Variants in MMRN1 observed in about 807,000 individuals in gnomAD.
The protein encoded by MMRN1 is multimerin-1.
Under a neutral mutation model 100.7 loss-of-function variants are expected in MMRN1, and 94 were observed. That is an observed-to-expected ratio of 0.93 (90% CI 0.79 to 1.11). MMRN1 has a LOEUF of 1.11. Among genes scored for constraint, MMRN1 ranks in the 50% least tolerant of loss-of-function variants. MMRN1 has a pLI of 0.00. For missense variants in MMRN1, 1,606 were observed against 1,439.1 expected (o/e 1.12, Z -1.88); for synonymous variants, 575 against 505.0 (o/e 1.14, Z -1.86).
intron 1 of MMRN1, among the ~76,000 whole-genome samples, chr4:89,885,322 C>T (rs570742023): frequency 6.6e-6 from 1 of 152,096 alleles, no homozygotes; most frequent in South Asian, 2.1e-4. Flanking sequence ...TTACACAATG[C>T]TATCATTTTG....
intron 5 of MMRN1, among the ~76,000 whole-genome samples, chr4:89,934,472 C>G (rs1722537954): frequency 1.3e-5 from 2 of 152,044 alleles, no homozygotes; most frequent in South Asian, 4.1e-4. Flanking sequence ...TATTTTCACA[C>G]AAAACGAAAA....
chr4:89,931,966 C>T (rs1414351342), intron 5 of MMRN1, among the ~76,000 whole-genome samples: 1 of 152,120 alleles, frequency 6.6e-6, no homozygotes, highest in African/African-American at 2.4e-5. Context: ...CCAAAGTCTT[C>T]ATTCATTTCA....
intron 1 of MMRN1, among the ~76,000 whole-genome samples, chr4:89,905,848 C>T (rs986478320): frequency 6.6e-6 from 1 of 151,440 alleles, no homozygotes; most frequent in Non-Finnish European, 1.5e-5. Context: ...ATCCTCAGGA[C>T]TTGGTATTTT....
chr4:89,915,822 T>C (rs1721894223), intron 3 of MMRN1, among the ~76,000 whole-genome samples: 1 of 151,660 alleles, frequency 6.6e-6, no homozygotes, highest in Admixed American at 6.6e-5. Flanking sequence ...TTTAGTTGAC[T>C]GAAATAAATG....
chr4:89,912,139 G>C (rs773742767), intron 3 of MMRN1, 89 bp downstream of exon 3: 36 of 928,804 alleles, frequency 3.9e-5, no homozygotes, highest in Non-Finnish European at 5.4e-5. Flanking sequence ...TTTGAACCAA[G>C]GTAAATTAAC....
chr4:89,882,247 T>C lies in MMRN1; in HGVS notation c.-249+2645T>C, dbSNP rs542716179. On this transcript the variant is annotated intron_variant, in intron 1 of 8. Coordinates refer to the MMRN1 transcript ENST00000394980. ...TTTTTATTGTTGTTGTCTCTATAAA[T>C]CCATGTTCCTAATATTGAAACATTT... 2.2e-3 allele frequency among the ~76,000 whole-genome samples: 333 copies of C among 151,586 alleles called. 4 individuals are homozygous for C. The highest frequency in any genetic ancestry group is 3.2e-3 in the Non-Finnish European group (219 of 67,754).
rs377072096 is a variant in MMRN1 at position 89,941,821 on chromosome 4, C to T, written c.3118+5023C>T. Among the ~76,000 whole-genome samples the T allele has an allele frequency of 9.1e-4, 138 of 152,284 alleles. 3 individuals carry two copies. In the South Asian group the frequency reaches 0.027, roughly 30 times the overall value. On this transcript the variant is annotated intron_variant, in intron 6 of 7. Transcript: ENST00000264790. The stretch of plus-strand genomic sequence containing the variant: ...CAGAACTGGTTAGGAGGCCTGTCTG[C>T]TGGGGATGGCCTCCCCAATTTGTGT...
At chr4:89,902,377 A>G (rs1486896606) in intron 1 of MMRN1, among the ~76,000 whole-genome samples, 1 of 151,998 alleles carries the variant, frequency 6.6e-6, no homozygotes, top group African/African-American at 2.4e-5. Context: ...AAATTTATGG[A>G]AAAGGTTATA....
intron 1 of MMRN1, among the ~76,000 whole-genome samples, chr4:89,884,545 A>G (rs912795552): frequency 6.6e-6 from 1 of 152,112 alleles, no homozygotes; most frequent in African/African-American, 2.4e-5. Context: ...TATCATGTGA[A>G]CTTGCCTAAA....
chr4:89,935,428 T>A lies in MMRN1; in HGVS notation c.1748T>A (p.Met583Lys), dbSNP rs1404670040. Residue 583 changes from methionine to lysine, a missense_variant, in exon 6 of 8, where the codon ATG becomes AAG. Transcript: ENST00000264790. The part of the protein sequence containing the change: ...KINNLTVSLE[M>K]EKESLRGECE... ...AACAATCTCACCGTCTCTTTGGAGA[T>A]GGAGAAAGAGTCTCTCAGAGGTGAA... 2 of 1,613,362 alleles carry A rather than the reference T, an allele frequency of 1.2e-6. No individual in the cohort carries two copies. Among genetic ancestry groups the A allele is most frequent in the Non-Finnish European group, 1.7e-6 (2 of 1,179,762 alleles).
chr4:89,923,336 C>T, intron 4 of MMRN1, 64 bp downstream of exon 4: 1 of 1,399,122 alleles, frequency 7.1e-7, no homozygotes, highest in East Asian at 2.3e-5. Flanking sequence ...ATTACAACTT[C>T]CAAGCAAGAA....
rs1335031175 is a variant in MMRN1 at position 89,935,183 on chromosome 4, G to A, written c.1503G>A (p.Leu501=). Residue 501 remains leucine, a synonymous_variant, in exon 6 of 8, where the codon CTG becomes CTA. Transcript: ENST00000264790. ...AACAGGAACACTCAAGAAGCATTCT[G>A]TATTATGAATCCCTCAATAAAACTC... ...ALEQEHSRSI[L]YYESLNKTLS... 1.2e-6 allele frequency: 2 copies of A among 1,613,248 alleles called. No homozygotes were observed. The highest frequency in any genetic ancestry group is 1.1e-5 in the South Asian group (1 of 90,972).
chr4:89,902,387 A>G (rs1229428484), intron 1 of MMRN1, among the ~76,000 whole-genome samples: 2 of 151,998 alleles, frequency 1.3e-5, no homozygotes, highest in Admixed American at 1.3e-4. Flanking sequence ...AAAAGGTTAT[A>G]TTAAAGGTTG....
At chr4:89,889,556 C>A (rs1450463959) in intron 1 of MMRN1, among the ~76,000 whole-genome samples, 1 of 152,074 alleles carries the variant, frequency 6.6e-6, no homozygotes, top group African/African-American at 2.4e-5. Context: ...CCAGGGGACA[C>A]CTCATACTCT....
At chr4:89,909,504 G>A (rs1452047140) in intron 2 of MMRN1, 109 bp downstream of exon 2, 1 of 1,357,048 alleles carries the variant, frequency 7.4e-7, no homozygotes, top group African/African-American at 1.5e-5. Context: ...TAGGGTCAGG[G>A]GATGGTAGTC....
At chr4:89,899,543 TG>T (rs949667567) in intron 1 of MMRN1, among the ~76,000 whole-genome samples, 2 of 152,024 alleles carry the variant, frequency 1.3e-5, no homozygotes, top group Non-Finnish European at 2.9e-5. Context: ...TAGTGTATAA[TG>T]GGGGGAATGG....
chr4:89,951,700 A>G lies in MMRN1; in HGVS notation c.3214A>G (p.Thr1072Ala). 6.2e-7 allele frequency: 1 copy of G among 1,608,394 alleles called. No individual in the cohort carries two copies. Among genetic ancestry groups the G allele is most frequent in the Non-Finnish European group, 8.5e-7 (1 of 1,178,230 alleles). ...SFTCACRHPF[T>A]GDNCTIKLVE... ...TACCTGTGCCTGCAGACATCCTTTTACTGGTGACAACTGCACTATCAAGCT... is the reference window on the plus strand; with the variant it reads ...TACCTGTGCCTGCAGACATCCTTTTGCTGGTGACAACTGCACTATCAAGCT... The change falls in exon 7 of 8, where the codon ACT (threonine) becomes GCT (alanine). Residue 1072 changes from threonine (T) to alanine (A), a missense_variant. Thr to Ala is a moderately conservative substitution (Grantham distance 58). Transcript: ENST00000264790.
Position 89,918,135 on chromosome 4 carries a change from A to G in MMRN1, c.851-5033A>G, listed in dbSNP as rs1276468057. On this transcript the variant is annotated intron_variant, in intron 3 of 7. Transcript: ENST00000264790. ...TTTACTAATTTTTGTTTCAAATAGTATATATACATCTATATATTTCAATTA... is the reference window on the plus strand; with the variant it reads ...TTTACTAATTTTTGTTTCAAATAGTGTATATACATCTATATATTTCAATTA... 2.6e-5 allele frequency among the ~76,000 whole-genome samples: 4 copies of G among 151,076 alleles called. No individual in the cohort carries two copies. The East Asian group carries it at 5.8e-4, about 22-fold the overall frequency.
chr4:89,937,693 A>G (rs1198350258), intron 6 of MMRN1, among the ~76,000 whole-genome samples: 1 of 152,076 alleles, frequency 6.6e-6, no homozygotes, highest in African/African-American at 2.4e-5. Flanking sequence ...TATGCCGAAG[A>G]CTGCTTCACT....
Sources: allele counts gnomAD v4.1 joint callset (sites outside exome capture counted in the v4.1 genomes callset), GRCh38; gene constraint gnomAD v4.1.1; transcripts MANE v1.5; gene names NCBI Gene and HGNC (gene_info 2026-07-23, HGNC 2026-07-21).